Variants in EYS observed in about 807,000 individuals in gnomAD.
The protein encoded by EYS is EGF-like photoreceptor maintenance factor.
In EYS, 250 loss-of-function variants were observed where a neutral mutation model predicts 282.1. The observed-to-expected ratio is 0.89, with a 90% CI of 0.80 to 0.98. The LOEUF (loss-of-function observed/expected upper bound fraction) is 0.98. Among genes scored for constraint, EYS ranks in the 50% least tolerant of loss-of-function variants. The pLI is 0.00. For missense variants in EYS, 4,016 were observed against 3,709.0 expected (o/e 1.08, Z -2.15); for synonymous variants, 1,355 against 1,282.9 (o/e 1.06, Z -1.20).
intron 29 of EYS, among the ~76,000 whole-genome samples, chr6:64,332,848 C>G (rs948032330): frequency 2.0e-5 from 3 of 152,220 alleles, no homozygotes; most frequent in Admixed American, 1.3e-4. Flanking sequence ...TAGTTATACT[C>G]TTACTTGTAC....
At chr6:65,359,852 G>A (rs1342612) in intron 8 of EYS, among the ~76,000 whole-genome samples, 102,210 of 151,578 alleles carry the variant, frequency 0.67, 34,537 homozygotes, top group South Asian at 0.71. Context: ...ATTTTTTTCA[G>A]TAGCCTGGAT....
At chr6:65,605,447 C>T (rs1271453521) in intron 2 of EYS, among the ~76,000 whole-genome samples, 1 of 151,630 alleles carries the variant, frequency 6.6e-6, no homozygotes, top group African/African-American at 2.4e-5. Context: ...ATACAATGTC[C>T]ACGTGCATAT....
intron 8 of EYS, among the ~76,000 whole-genome samples, chr6:65,378,101 G>T (rs1487551118): frequency 6.6e-6 from 1 of 151,996 alleles, no homozygotes; most frequent in Admixed American, 6.6e-5. Flanking sequence ...CAGGCAACCT[G>T]CAGAATGGGA....
rs1767974468 is a variant in EYS, at chr6:64,636,191, A to C, written c.3444-9946T>G. ...ATCACGCTACCTGACTTCAAACTAT[A>C]CTACAAGGCTACAGTAACCAAAACA... On this transcript the variant is annotated intron_variant, in intron 22 of 42. Coordinates refer to ENST00000503581, the MANE Select transcript of EYS (RefSeq NM_001142800.2). Among the ~76,000 whole-genome samples the C allele has an allele frequency of 2.6e-5, 4 of 152,314 alleles. No homozygotes were observed. In the South Asian group the frequency reaches 8.3e-4, roughly 32 times the overall value.
intron 36 of EYS, among the ~76,000 whole-genome samples, chr6:63,817,918 T>A (rs926018119): frequency 6.6e-6 from 1 of 152,158 alleles, no homozygotes; most frequent in Non-Finnish European, 1.5e-5. Flanking sequence ...CTCTTACCAT[T>A]GGATGTGTGA....
intron 14 of EYS, among the ~76,000 whole-genome samples, chr6:64,961,549 T>G (rs1769919055): frequency 6.6e-6 from 1 of 152,096 alleles, no homozygotes; most frequent in South Asian, 2.1e-4. Flanking sequence ...TCTTCCTCTT[T>G]AAAATACTCA....
intron 26 of EYS, among the ~76,000 whole-genome samples, chr6:64,442,605 A>G (rs143589728): frequency 6.6e-6 from 1 of 152,238 alleles, no homozygotes; most frequent in Non-Finnish European, 1.5e-5. Context: ...GGGCCAGGCT[A>G]AGGGTATTTC....
intron 2 of EYS, among the ~76,000 whole-genome samples, chr6:65,529,042 G>A (rs570530022): frequency 9.9e-5 from 15 of 151,982 alleles, no homozygotes; most frequent in East Asian, 3.9e-4. Context: ...TTCTTTAACC[G>A]TTTTAAGTTC....
rs148692286 is a variant in EYS, at chr6:65,282,943, C to A, written c.2023+12920G>T. Among the ~76,000 whole-genome samples, 116 of 151,890 alleles carry A rather than the reference C, an allele frequency of 7.6e-4. 1 individual carries two copies. Among genetic ancestry groups the A allele is most frequent in the African/African-American group, 2.5e-3 (104 of 41,480 alleles). On this transcript the variant is annotated intron_variant, in intron 12 of 42. Coordinates refer to ENST00000503581, the MANE Select transcript of EYS (RefSeq NM_001142800.2). Reference sequence around the variant, plus strand: ...AGTTTCATGTAATTTAGCATATTTTCTCCAAATGCCATTCATTTTACAGGT... The same window carrying A: ...AGTTTCATGTAATTTAGCATATTTTATCCAAATGCCATTCATTTTACAGGT...
At chr6:64,722,559 A>G (rs1739506273) in intron 22 of EYS, among the ~76,000 whole-genome samples, 1 of 152,084 alleles carries the variant, frequency 6.6e-6, no homozygotes, top group South Asian at 2.1e-4. Context: ...AATCCATTCA[A>G]AATGGTCATT....
At chr6:65,118,685 G>C (rs1344229754) in intron 12 of EYS, among the ~76,000 whole-genome samples, 1 of 152,126 alleles carries the variant, frequency 6.6e-6, no homozygotes, top group African/African-American at 2.4e-5. Flanking sequence ...AGTAGTTTGT[G>C]TTTTATTCTG....
intron 31 of EYS, among the ~76,000 whole-genome samples, chr6:64,159,682 T>G (rs1775043847): frequency 6.6e-6 from 1 of 152,026 alleles, no homozygotes; most frequent in Non-Finnish European, 1.5e-5. Flanking sequence ...GGAAGCTGAT[T>G]GCATTTTAAC....
chr6:64,302,141 T>C (rs1769259337), intron 30 of EYS, among the ~76,000 whole-genome samples: 1 of 152,240 alleles, frequency 6.6e-6, no homozygotes, highest in Admixed American at 6.5e-5. Flanking sequence ...TATTGGCTTA[T>C]GGCAATGATC....
intron 36 of EYS, among the ~76,000 whole-genome samples, chr6:63,827,069 G>T (rs963174117): frequency 1.3e-5 from 2 of 152,108 alleles, no homozygotes; most frequent in African/African-American, 4.8e-5. Context: ...TAAAGTAAAG[G>T]GATGGAAAAA....
At chr6:65,682,872 C>T (rs1396121980) in intron 1 of EYS, among the ~76,000 whole-genome samples, 3 of 151,830 alleles carry the variant, frequency 2.0e-5, no homozygotes, top group Non-Finnish European at 2.9e-5. Context: ...ACAGTAAATA[C>T]CATATGAGAG....
chr6:65,588,077 A>G (rs1765114903), intron 2 of EYS, among the ~76,000 whole-genome samples: 2 of 152,038 alleles, frequency 1.3e-5, no homozygotes, highest in South Asian at 4.1e-4. Context: ...TAGAAGAATA[A>G]TTTTGTGACA....
At chr6:65,290,652 G>C (rs564124272) in intron 12 of EYS, among the ~76,000 whole-genome samples, 32 of 151,344 alleles carry the variant, frequency 2.1e-4, no homozygotes, top group Admixed American at 2.0e-3. Flanking sequence ...TTTGTATAAA[G>C]TCAGCACAAG....
Position 65,431,348 on chromosome 6 carries a change from A to G in EYS, c.863-25981T>C, listed in dbSNP as rs193164450. Among the ~76,000 whole-genome samples, 328 of 152,234 alleles carry G rather than the reference A, an allele frequency of 2.2e-3. 1 individual carries two copies. Among genetic ancestry groups the G allele is most frequent in the African/African-American group, 7.6e-3 (316 of 41,542 alleles). ...CTTTGTGTCAGTGTCTCTTTGTCAC[A>G]TACTTCACTTTCACTTTAATTGCTG... On this transcript the variant is annotated intron_variant, in intron 5 of 42. Coordinates refer to ENST00000503581, the MANE Select transcript of EYS (RefSeq NM_001142800.2).
rs989589885 is a variant in EYS, at chr6:64,886,800, A to T, written c.2889T>A (p.Cys963Ter). 2 of 1,546,574 alleles carry T rather than the reference A, an allele frequency of 1.3e-6. No individual in the cohort carries two copies. The highest frequency in any genetic ancestry group is 1.7e-6 in the Non-Finnish European group (2 of 1,144,118). The change falls in exon 19 of 43, where the codon TGT (cysteine) becomes TGA (stop). Residue 963 changes from cysteine (C) to a stop codon, truncating the protein, a stop_gained. Transcript: ENST00000503581. LOFTEE classifies it high-confidence loss of function. ...NCEPEYHGPF[C>*]ELDVNKCKIS... is the part of the protein sequence containing the mutation. ...TTTTACATTTATTTACATCAAGTTC[A>T]CAGAAGGGCCCATGGTACTCAGGTT...
Sources: allele counts gnomAD v4.1 joint callset (sites outside exome capture counted in the v4.1 genomes callset), GRCh38; gene constraint gnomAD v4.1.1; transcripts MANE v1.5; gene names NCBI Gene and HGNC (gene_info 2026-07-23, HGNC 2026-07-21).